The following TSPEAR variants were observed in gnomAD, a reference collection of about 807,000 sequenced individuals.
TSPEAR encodes thrombospondin type laminin G domain and EAR repeats.
Under a neutral mutation model 71.6 loss-of-function variants are expected in TSPEAR, and 69 were observed. The observed-to-expected ratio is 0.96, with a 90% CI of 0.79 to 1.18. The LOEUF (loss-of-function observed/expected upper bound fraction) is 1.18, where lower values mean the gene tolerates loss of function less well. Ranked by LOEUF, TSPEAR falls within the 50% of genes most tolerant of loss-of-function variation. The pLI is 0.00. For missense variants in TSPEAR, 971 were observed against 894.9 expected (o/e 1.09, Z -1.09); for synonymous variants, 402 against 387.2 (o/e 1.04, Z -0.45).
At position 44,504,813 on chromosome 21, in the gene TSPEAR, C is replaced by A. The variant is rs782143795; in HGVS notation, c.1823G>T (p.Gly608Val). The A allele has an allele frequency of 1.9e-6, 3 of 1,613,872 alleles. No individual in the cohort carries two copies. Among genetic ancestry groups the A allele is most frequent in the Non-Finnish European group, 2.5e-6 (3 of 1,179,924 alleles). ...AATACTGTTCACCGAGAAGGTACGCCCATCGAAGGAGTTGGCCACCACCAG... is the reference window on the plus strand; with the variant it reads ...AATACTGTTCACCGAGAAGGTACGCACATCGAAGGAGTTGGCCACCACCAG... ...YFLVVANSFD[G>V]RTFSVNSIIY... Residue 608 changes from glycine (G) to valine (V), a missense_variant, in exon 11 of 12, where the codon GGG becomes GTG. Physicochemically the swap from Gly to Val is moderately radical, Grantham distance 109. Coordinates refer to ENST00000323084, the MANE Select transcript of TSPEAR (RefSeq NM_144991.3).
intron 1 of TSPEAR, among the ~76,000 whole-genome samples, chr21:44,688,579 G>A (rs1986966163): frequency 6.6e-6 from 1 of 152,160 alleles, no homozygotes; most frequent in Non-Finnish European, 1.5e-5. Flanking sequence ...AATCAGCCGG[G>A]TATGGTGGCG....
chr21:44,622,542 T>C (rs1982510268), intron 1 of TSPEAR, among the ~76,000 whole-genome samples: 1 of 152,228 alleles, frequency 6.6e-6, no homozygotes. Context: ...CTGTCCTTGC[T>C]GCTTCTAGTT....
intron 1 of TSPEAR, among the ~76,000 whole-genome samples, chr21:44,688,229 G>A (rs1294199880): frequency 2.6e-5 from 4 of 152,104 alleles, no homozygotes; most frequent in African/African-American, 9.7e-5. Flanking sequence ...CAGCATTCAG[G>A]GAGAATAACG....
intron 1 of TSPEAR, among the ~76,000 whole-genome samples, chr21:44,669,018 G>A (rs1985925988): frequency 6.7e-6 from 1 of 149,704 alleles, no homozygotes; most frequent in Non-Finnish European, 1.5e-5. Context: ...TGAGATTGAA[G>A]AAGAGTTCAT....
chr21:44,661,846 C>G (rs1220996395), intron 1 of TSPEAR, among the ~76,000 whole-genome samples: 1 of 152,130 alleles, frequency 6.6e-6, no homozygotes, highest in Non-Finnish European at 1.5e-5. Context: ...AGGACAGCAC[C>G]AAGGGGATGA....
intron 1 of TSPEAR, among the ~76,000 whole-genome samples, chr21:44,631,644 T>C (rs1339140534): frequency 6.6e-6 from 1 of 152,164 alleles, no homozygotes; most frequent in Non-Finnish European, 1.5e-5. Flanking sequence ...GAGAATCACT[T>C]GAACCTGGGA....
intron 1 of TSPEAR, among the ~76,000 whole-genome samples, chr21:44,643,058 A>G (rs1984107803): frequency 6.6e-6 from 1 of 152,234 alleles, no homozygotes; most frequent in Admixed American, 6.5e-5. Flanking sequence ...GTGCATATGC[A>G]TGATGGAATA....
intron 1 of TSPEAR, chr21:44,658,325 T>C: frequency 1.3e-6 from 2 of 1,542,288 alleles, no homozygotes; most frequent in Non-Finnish European, 1.8e-6. Flanking sequence ...TGAATAAGCA[T>C]CTGGTGGACC....
intron 1 of TSPEAR, among the ~76,000 whole-genome samples, chr21:44,610,633 G>A (rs143806121): frequency 0.01 from 1,583 of 152,286 alleles, 17 homozygotes; most frequent in Middle Eastern, 0.024. Context: ...GTCCCTACTG[G>A]GGCACTGCCT....
Position 44,612,870 on chromosome 21 carries a change from T to C in TSPEAR, c.83-44865A>G, listed in dbSNP as rs782590896. ...CTCTGCCGCCCCGCGTGCTCCCGCC[T>C]GGCCTGCTGAGGCCTCTGCTCAGGC... On this transcript the variant is annotated intron_variant, in intron 1 of 11. Transcript: ENST00000323084. The surrounding 1 kb of genome is among the most constrained non-coding windows in gnomAD (Gnocchi z 4.1). The C allele has an allele frequency of 1.2e-6, 2 of 1,611,702 alleles. No individual in the cohort carries two copies. Among genetic ancestry groups the C allele is most frequent in the East Asian group, 2.2e-5 (1 of 44,860 alleles).
intron 9 of TSPEAR, chr21:44,517,474 A>C (rs1397010921): frequency 3.5e-6 from 1 of 287,848 alleles, no homozygotes; most frequent in Non-Finnish European, 6.9e-6. Flanking sequence ...GCACAGGTCC[A>C]GCTAGGCTGG....
In TSPEAR at chr21:44,675,935, ATC is replaced by A. The variant is rs782136152; in HGVS notation, c.82+35496_82+35497del. The A allele has an allele frequency of 3.0e-5, 24 of 800,998 alleles. No homozygotes were observed. The East Asian group carries it at 4.1e-4, about 14-fold the overall frequency. 49.6% of individuals were successfully genotyped at this position (800,998 alleles called of 1,614,324 possible). On this transcript the variant is annotated intron_variant, in intron 1 of 11. Transcript: ENST00000323084. ...GGCATATGCTGTCAGGATTTCCATT[ATC>A]TGTTTCGTTTCTAGGGTTATTCGGG...
chr21:44,527,624 C>G (rs2145974532), intron 6 of TSPEAR, 106 bp from the exon 7 acceptor site: 3 of 1,073,648 alleles, frequency 2.8e-6, no homozygotes, highest in Admixed American at 2.0e-5. Flanking sequence ...AGCCACGACT[C>G]CTGCGCCTCA....
intron 1 of TSPEAR, among the ~76,000 whole-genome samples, chr21:44,578,475 T>C (rs1978614084): frequency 6.6e-6 from 1 of 152,008 alleles, no homozygotes; most frequent in Non-Finnish European, 1.5e-5. Flanking sequence ...GGAGAAATAA[T>C]GCCAATCTAA....
At chr21:44,656,068 G>A (rs1462001625) in intron 1 of TSPEAR, among the ~76,000 whole-genome samples, 2 of 152,188 alleles carry the variant, frequency 1.3e-5, no homozygotes, top group Non-Finnish European at 2.9e-5. Flanking sequence ...GACAAGCCGG[G>A]CGAGGCCACA....
intron 2 of TSPEAR, among the ~76,000 whole-genome samples, chr21:44,549,265 A>C (rs2053357882): frequency 6.6e-6 from 1 of 152,156 alleles, no homozygotes; most frequent in South Asian, 2.1e-4. Context: ...GGAAAAGCAG[A>C]AGGAAAGAAG....
At position 44,646,900 on chromosome 21, in the gene TSPEAR, G is replaced by A. The variant is rs201149446; in HGVS notation, c.82+64533C>T. The stretch of plus-strand genomic sequence containing the variant: ...TTCCTCCTGCCAGCCGGCCTGCTGT[G>A]TGCCCGTCTGCTGCAAGCCTGTGTG... On this transcript the variant is annotated intron_variant, in intron 1 of 11. Transcript: ENST00000323084. 7.9e-5 allele frequency: 127 copies of A among 1,612,634 alleles called. No homozygotes were observed. In the Admixed American group the frequency reaches 1.9e-3, roughly 24 times the overall value.
intron 1 of TSPEAR, chr21:44,637,507 C>A (rs1718672919): frequency 6.2e-7 from 1 of 1,613,172 alleles, no homozygotes; most frequent in African/African-American, 1.3e-5. Context: ...GCGAGCCCTG[C>A]TGCTGTGCCC....
intron 1 of TSPEAR, among the ~76,000 whole-genome samples, chr21:44,628,560 C>A (rs1555935131): frequency 9.9e-5 from 15 of 152,132 alleles, no homozygotes; most frequent in Non-Finnish European, 2.9e-5. Flanking sequence ...GTCCGGCTCC[C>A]CTCCCAGGTC....
Sources: gnomAD v4.1 joint callset for allele counts (sites outside exome capture counted in the v4.1 genomes callset) on GRCh38, gnomAD v4.1.1 for gene constraint, Gnocchi (gnomAD v3.1) non-coding constraint, MANE v1.5 for transcripts, NCBI Gene and HGNC (gene_info 2026-07-23, HGNC 2026-07-21) for gene names.